BRAF: variants seen among roughly 807,000 people sequenced by gnomAD.
BRAF encodes the protein B-Raf proto-oncogene, serine/threonine kinase.
A neutral mutation model predicts 104.6 loss-of-function variants in BRAF; 16 were observed. The observed-to-expected ratio is 0.15, with a 90% CI of 0.10 to 0.23. BRAF has a LOEUF of 0.23. BRAF is among the 10% of genes least tolerant of loss of function. The pLI, the probability that BRAF is intolerant of heterozygous loss-of-function variation, is 1.00. For missense variants in BRAF, 541 were observed against 937.3 expected (o/e 0.58, Z 5.52); for synonymous variants, 310 against 341.6 (o/e 0.91, Z 1.02).
chr7:140,883,048 A>G (rs1813129881), intron 1 of BRAF, among the ~76,000 whole-genome samples: 1 of 151,468 alleles, frequency 6.6e-6, no homozygotes, highest in African/African-American at 2.4e-5. Context: ...ATAAATAAAT[A>G]AAGGACCTAT....
rs1008305025 is a variant in BRAF at position 140,801,053 on chromosome 7, T to C, written c.860+359A>G. ...AAGAATATAAACGTAATTTACAAAA[T>C]AGCTAACAGAATCAGACTACCTGAT... On this transcript the variant is annotated intron_variant, in intron 6 of 19. Transcript: ENST00000644969. The C allele has an allele frequency of 1.8e-5, 4 of 219,186 alleles. No individual in the cohort carries two copies. The East Asian group carries it at 4.9e-4, about 27-fold the overall frequency. The allele number at this position is 219,186 out of a possible 1,614,324, so 13.6% of individuals were successfully genotyped here. A position where few individuals can be genotyped will look rare whatever the true frequency, so the allele number is the denominator to read the frequency against.
chr7:140,922,310 T>C (rs1818310279), intron 1 of BRAF, among the ~76,000 whole-genome samples: 1 of 152,332 alleles, frequency 6.6e-6, no homozygotes, highest in Non-Finnish European at 1.5e-5. Context: ...GATTGGTACA[T>C]GGGAACTGCT....
Position 140,872,518 on chromosome 7 carries a change from A to C in BRAF, c.139-22306T>G, listed in dbSNP as rs189365495. On this transcript the variant is annotated intron_variant, in intron 1 of 19. Coordinates refer to ENST00000644969, the MANE Select transcript of BRAF (RefSeq NM_001374258.1). ...TTTAAGAATTTCTCCTTGAGCCAAA[A>C]GGCAAATAAGAGTCTTCAGAACCAA... Among the ~76,000 whole-genome samples the C allele has an allele frequency of 9.2e-5, 14 of 152,278 alleles. No homozygotes were observed. The East Asian group carries it at 2.3e-3, about 25-fold the overall frequency.
intron 14 of BRAF, among the ~76,000 whole-genome samples, chr7:140,770,185 A>G (rs1338120888): frequency 2.0e-5 from 3 of 152,064 alleles, no homozygotes. Context: ...ATTTTTACCG[A>G]CCAGAAAATT....
intron 1 of BRAF, among the ~76,000 whole-genome samples, chr7:140,895,007 A>G (rs1814718001): frequency 6.6e-6 from 1 of 152,232 alleles, no homozygotes; most frequent in South Asian, 2.1e-4. Context: ...CTTGATACCA[A>G]AACCATGGAA....
At chr7:140,734,590 ATT>A (rs1216062255) in intron 19 of BRAF, 1 of 1,613,876 alleles carries the variant, frequency 6.2e-7, no homozygotes, top group East Asian at 2.2e-5. Context: ...TCTCTCACTC[ATT>A]TGTTTCAGTG....
At chr7:140,843,760 C>T (rs911464755) in intron 2 of BRAF, among the ~76,000 whole-genome samples, 10 of 152,214 alleles carry the variant, frequency 6.6e-5, no homozygotes, top group African/African-American at 2.2e-4. Context: ...AATCCCAGCA[C>T]TTTGGGAGGC....
At chr7:140,896,087 T>C (rs1814856634) in intron 1 of BRAF, among the ~76,000 whole-genome samples, 1 of 152,172 alleles carries the variant, frequency 6.6e-6, no homozygotes, top group Non-Finnish European at 1.5e-5. Context: ...ACAGCCACCC[T>C]AACTGGGATG....
intron 2 of BRAF, among the ~76,000 whole-genome samples, chr7:140,841,647 A>G (rs1425983251): frequency 6.6e-6 from 1 of 152,230 alleles, no homozygotes; most frequent in Non-Finnish European, 1.5e-5. Flanking sequence ...AAAAGGCCAC[A>G]TAATATAATT....
chr7:140,810,874 A>G (rs1357986276), intron 3 of BRAF, among the ~76,000 whole-genome samples: 2 of 152,222 alleles, frequency 1.3e-5, no homozygotes, highest in African/African-American at 2.4e-5. Context: ...TTCAATTTTC[A>G]TACTATAAAC....
chr7:140,893,804 A>G (rs1461385648), intron 1 of BRAF, among the ~76,000 whole-genome samples: 1 of 152,164 alleles, frequency 6.6e-6, no homozygotes, highest in East Asian at 1.9e-4. Context: ...TATCACTATC[A>G]AATGCATTTT....
At chr7:140,740,051 A>T in intron 17 of BRAF, 105 bp from the exon 17 acceptor site, 1 of 1,234,302 alleles carries the variant, frequency 8.1e-7, no homozygotes, top group Non-Finnish European at 1.1e-6. Context: ...ACAGCTTACG[A>T]TGTATGTATT....
At chr7:140,907,321 G>A (rs1816435047) in intron 1 of BRAF, among the ~76,000 whole-genome samples, 2 of 151,606 alleles carry the variant, frequency 1.3e-5, no homozygotes, top group African/African-American at 4.9e-5. Flanking sequence ...GAGTGCAGTG[G>A]TGCGATCTCA....
chr7:140,799,218 T>A (rs1181271606), intron 7 of BRAF: 2 of 226,592 alleles, frequency 8.8e-6, no homozygotes, highest in Admixed American at 5.7e-5. Flanking sequence ...ACTGTTCATT[T>A]TTTTCTTTTA....
chr7:140,774,108 A>G (rs1800106269), intron 14 of BRAF, among the ~76,000 whole-genome samples: 1 of 152,208 alleles, frequency 6.6e-6, no homozygotes, highest in East Asian at 1.9e-4. Flanking sequence ...AGACAAAACA[A>G]AAAGAGAAAA....
At position 140,723,860 on chromosome 7, in the gene BRAF, T is replaced by A; in HGVS notation, c.*2634A>T. The A allele has an allele frequency of 9.6e-7, 1 of 1,046,694 alleles. No homozygotes were observed. The highest frequency in any genetic ancestry group is 1.2e-6 in the Non-Finnish European group (1 of 867,574). The allele number at this position is 1,046,694 out of a possible 1,614,324, so 64.8% of individuals were successfully genotyped here. On this transcript the variant is annotated 3_prime_UTR_variant, in exon 20 of 20. Coordinates refer to ENST00000644969, the MANE Select transcript of BRAF (RefSeq NM_001374258.1). ...CAAATAAGGACTTCTTCCTCGTTTTTTTAGGAGCTCAGTAAGTCTAACTGT... is the reference window on the plus strand; with the variant it reads ...CAAATAAGGACTTCTTCCTCGTTTTATTAGGAGCTCAGTAAGTCTAACTGT...
At chr7:140,808,477 C>CA (rs1803893326) in intron 4 of BRAF, 1 of 329,802 alleles carries the variant, frequency 3.0e-6, no homozygotes, top group Admixed American at 4.4e-5. Context: ...AAAGAGGATT[C>CA]AAAATGTGAG....
At chr7:140,713,425 C>T in the BRAF span, among the ~76,000 whole-genome samples, 14 of 152,066 alleles carry the variant, frequency 9.2e-5, no homozygotes, top group East Asian at 1.7e-3. Flanking sequence ...CTTCTGCATT[C>T]GTCACGTAGC....
At chr7:140,868,723 A>G (rs1372806556) in intron 1 of BRAF, among the ~76,000 whole-genome samples, 2 of 152,232 alleles carry the variant, frequency 1.3e-5, no homozygotes, top group African/African-American at 2.4e-5. Flanking sequence ...TTTGTATGGT[A>G]GGTGAACTCA....
Sources: gnomAD v4.1 joint callset for allele counts (sites outside exome capture counted in the v4.1 genomes callset) on GRCh38, gnomAD v4.1.1 for gene constraint, MANE v1.5 for transcripts, NCBI Gene and HGNC (gene_info 2026-07-23, HGNC 2026-07-21) for gene names.